The following FKBP9 variants were observed in gnomAD, a reference collection of about 807,000 sequenced individuals.
The protein encoded by FKBP9 is peptidyl-prolyl cis-trans isomerase FKBP9.
Under a neutral mutation model 55.6 loss-of-function variants are expected in FKBP9, and 27 were observed. The observed-to-expected ratio is 0.49, with a 90% confidence interval of 0.36 to 0.67. The LOEUF (loss-of-function observed/expected upper bound fraction) is 0.67, where lower values mean the gene tolerates loss of function less well. FKBP9 is among the 30% of genes least tolerant of loss of function. The probability of loss-of-function intolerance (pLI) is 0.00; values close to 1 mark genes in which losing one functional copy is unlikely to be tolerated. For synonymous variants in FKBP9, 267 were observed against 296.5 expected, an observed-to-expected ratio of 0.90 and a Z score of 1.02; for missense variants, 539 against 742.8, an observed-to-expected ratio of 0.73 and a Z score of 3.19.
At chr7:32,997,409 G>GT (rs200118307) in intron 7 of FKBP9, among the ~76,000 whole-genome samples, 4,672 of 151,978 alleles carry the variant, frequency 0.031, 112 homozygotes, top group South Asian at 0.079. Flanking sequence ...GATGGGGGGG[G>GT]TCTCACTATG....
rs397965431 is a variant in FKBP9 at position 32,984,178 on chromosome 7, GT to G, written c.893+3634del. Among the ~76,000 whole-genome samples the G allele has an allele frequency of 8.4e-3, 1,265 of 149,706 alleles. 27 individuals are homozygous for G. The highest frequency in any genetic ancestry group is 0.028 in the African/African-American group (1,159 of 40,836). On this transcript the variant is annotated intron_variant, in intron 5 of 9. Transcript: ENST00000242209. ...TGTATTTCCCTCAAGCCTTTTAATG[GT>G]TTTTTTTTCTATTCTTTAAGATATT...
At chr7:32,966,302 C>G (rs1484152982) in intron 1 of FKBP9, among the ~76,000 whole-genome samples, 2 of 151,106 alleles carry the variant, frequency 1.3e-5, no homozygotes, top group East Asian at 3.9e-4. Flanking sequence ...ACTATGATGT[C>G]TCTTGTCTTA....
In FKBP9 at chr7:32,979,579, G is replaced by A. The variant is rs772077036; in HGVS notation, c.704-785G>A. 8.2e-5 allele frequency: 127 copies of A among 1,548,934 alleles called. 1 individual carries two copies. In the African/African-American group the frequency reaches 1.2e-3, roughly 14 times the overall value. On this transcript the variant is annotated intron_variant, in intron 4 of 9. Coordinates refer to ENST00000242209, the MANE Select transcript of FKBP9 (RefSeq NM_007270.5). ...TACTCCTTTGCATGATATAACAAAT[G>A]GCAGGTAAAACTGAGGGATTGGTTT...
In FKBP9 at chr7:33,002,756, A is replaced by C; in HGVS notation, c.1453A>C (p.Met485Leu). The part of the protein sequence containing the change: ...ELVAGLPEGY[M>L]FIWNGEVSPN... ...GGTGGCTGGCCTTCCTGAGGGGTAC[A>C]TGTTCATATGGAATGGTGAGGTGTC... Residue 485 changes from methionine (M) to leucine (L), a missense_variant, in exon 9 of 10, where the codon ATG becomes CTG. Around this residue, in one of 4 missense-constraint regions of FKBP9, gnomAD observed 102 missense variants for 200.7 expected, o/e 0.51. Coordinates refer to ENST00000242209, the MANE Select transcript of FKBP9 (RefSeq NM_007270.5). 1 of 1,614,198 alleles carries C rather than the reference A, an allele frequency of 6.2e-7. No homozygotes were observed. The highest frequency in any genetic ancestry group is 1.1e-5 in the South Asian group (1 of 91,076).
At chr7:32,966,625 T>C (rs1447431841) in intron 1 of FKBP9, among the ~76,000 whole-genome samples, 1 of 152,198 alleles carries the variant, frequency 6.6e-6, no homozygotes, top group East Asian at 1.9e-4. Context: ...CATTCCTGCA[T>C]CACTGGAAAG....
In FKBP9 at chr7:33,000,887, C is replaced by T. The variant is rs187846638; in HGVS notation, c.1372+627C>T. On this transcript the variant is annotated intron_variant, in intron 8 of 9. Transcript: ENST00000242209. ...CCTTGAACTCCTGGGCTCAAGCAAT[C>T]TGCCCACCTCAGTCTCCCGAGTAGC... Among the ~76,000 whole-genome samples, 100 of 152,218 alleles carry T rather than the reference C, an allele frequency of 6.6e-4. 1 individual carries two copies. The highest frequency in any genetic ancestry group is 3.3e-3 in the South Asian group (16 of 4,822).
At chr7:32,993,472 G>A (rs1391905338) in intron 6 of FKBP9, among the ~76,000 whole-genome samples, 1 of 152,130 alleles carries the variant, frequency 6.6e-6, no homozygotes, top group Non-Finnish European at 1.5e-5. Flanking sequence ...TTCTCTTTCT[G>A]TGTCTGTCTT....
intron 5 of FKBP9, 48 bp from the exon 6 acceptor site, chr7:32,988,459 G>A (rs1016093509): frequency 3.1e-6 from 5 of 1,604,726 alleles, no homozygotes; most frequent in African/African-American, 2.7e-5. Context: ...CACAGCTGCT[G>A]TGGAGGCCCT....
chr7:32,975,685 C>T (rs560988743), intron 3 of FKBP9, among the ~76,000 whole-genome samples: 1 of 149,294 alleles, frequency 6.7e-6, no homozygotes, highest in Non-Finnish European at 1.5e-5. Flanking sequence ...CTCGCCCTGT[C>T]ACCCAGGCTG....
Position 33,006,477 on chromosome 7 carries a change from C to T in FKBP9, c.*1126C>T, listed in dbSNP as rs1139719. 0.036 allele frequency: 7,211 copies of T among 202,098 alleles called. 195 individuals carry two copies. Among genetic ancestry groups the T allele is most frequent in the Non-Finnish European group, 0.057 (5,618 of 98,218 alleles). 12.5% of individuals were successfully genotyped at this position (202,098 alleles called of 1,614,324 possible). A position where few individuals can be genotyped will look rare whatever the true frequency, so the allele number is the denominator to read the frequency against. ...AACACTCTTTTTTATCTTCCCTGAA[C>T]CATATTGATGAGATAAATAGGGCTG... is the stretch of plus-strand genomic sequence containing the variant. On this transcript the variant is annotated 3_prime_UTR_variant, in exon 10 of 10. Transcript: ENST00000242209.
chr7:32,958,281 A>C (rs2127974261), intron 1 of FKBP9, among the ~76,000 whole-genome samples: 1 of 152,316 alleles, frequency 6.6e-6, no homozygotes, highest in Admixed American at 6.5e-5. Context: ...AGCTGTTAAC[A>C]ATGTGTAGGT....
intron 1 of FKBP9, among the ~76,000 whole-genome samples, 174 bp from the exon 2 acceptor site, chr7:32,974,443 C>G (rs1784320318): frequency 6.6e-6 from 1 of 151,658 alleles, no homozygotes; most frequent in African/African-American, 2.4e-5. Context: ...CTAAAATTTC[C>G]AACCCTACAA....
At chr7:32,959,569 C>T (rs1783978128) in intron 1 of FKBP9, among the ~76,000 whole-genome samples, 1 of 152,158 alleles carries the variant, frequency 6.6e-6, no homozygotes, top group Non-Finnish European at 1.5e-5. Flanking sequence ...ATTTTCATCA[C>T]CCCCAAAAAA....
intron 5 of FKBP9, among the ~76,000 whole-genome samples, 192 bp downstream of exon 5, chr7:32,980,745 T>G (rs1380142257): frequency 6.6e-6 from 1 of 152,132 alleles, no homozygotes; most frequent in African/African-American, 2.4e-5. Context: ...TTTCTTTTTT[T>G]TTGAGACGGG....
At chr7:32,991,271 G>A (rs544936153) in intron 6 of FKBP9, among the ~76,000 whole-genome samples, 81 of 152,132 alleles carry the variant, frequency 5.3e-4, no homozygotes, top group Non-Finnish European at 9.4e-4. Flanking sequence ...GGAAGCAGCC[G>A]AAGGCTCGTA....
chr7:32,984,830 G>A lies in FKBP9; in HGVS notation c.894-3677G>A, dbSNP rs34404967. On this transcript the variant is annotated intron_variant, in intron 5 of 9. Coordinates refer to ENST00000242209, the MANE Select transcript of FKBP9 (RefSeq NM_007270.5). ...TCCAACATCCGTCATGAATGACTCTGTCATTTCCTCACTGCTCTAAAAGGT... is the reference window on the plus strand; with the variant it reads ...TCCAACATCCGTCATGAATGACTCTATCATTTCCTCACTGCTCTAAAAGGT... 2.0e-5 allele frequency among the ~76,000 whole-genome samples: 3 copies of A among 152,272 alleles called. No individual in the cohort carries two copies. The East Asian group carries it at 5.8e-4, about 29-fold the overall frequency.
chr7:32,959,989 A>G (rs13311608), intron 1 of FKBP9, among the ~76,000 whole-genome samples: 57,764 of 151,890 alleles, frequency 0.38, 12,508 homozygotes, highest in Non-Finnish European at 0.49. Context: ...CACCTATGTT[A>G]TAAACGTTTT....
intron 9 of FKBP9, among the ~76,000 whole-genome samples, chr7:33,004,507 A>C (rs1784996274): frequency 6.6e-6 from 1 of 152,128 alleles, no homozygotes; most frequent in Admixed American, 6.5e-5. Flanking sequence ...TACCCCAGAT[A>C]ACTTGTTCGG....
At chr7:33,003,230 G>C (rs1343590610) in intron 9 of FKBP9, among the ~76,000 whole-genome samples, 1 of 152,142 alleles carries the variant, frequency 6.6e-6, no homozygotes, top group Non-Finnish European at 1.5e-5. Flanking sequence ...CATCTACTCA[G>C]TTGTTTGAGC....
Sources: allele counts gnomAD v4.1 joint callset (sites outside exome capture counted in the v4.1 genomes callset), GRCh38; gene constraint gnomAD v4.1.1; regional missense constraint gnomAD v4.1.1; transcripts MANE v1.5; gene names NCBI Gene and HGNC (gene_info 2026-07-23, HGNC 2026-07-21).